Variants in SCN10A observed in about 807,000 individuals in gnomAD.
SCN10A encodes sodium channel protein type 10 subunit alpha.
Under a neutral mutation model 170.7 loss-of-function variants are expected in SCN10A, and 162 were observed. The ratio of observed to expected loss-of-function variants is 0.95; its 90% CI spans 0.84 to 1.08. The LOEUF is 1.08. SCN10A is among the 50% of genes least tolerant of loss of function. SCN10A has a pLI of 0.00. For synonymous variants in SCN10A, 985 were observed against 904.6 expected, an observed-to-expected ratio of 1.09 and a Z score of -1.59; for missense variants, 2,527 against 2,436.9, an observed-to-expected ratio of 1.04 and a Z score of -0.78.
chr3:38,802,785 C>T (rs1022260211), intron 1 of SCN10A, among the ~76,000 whole-genome samples: 2 of 152,042 alleles, frequency 1.3e-5, no homozygotes, highest in Admixed American at 6.6e-5. Flanking sequence ...CAACAAAAGC[C>T]AAAATTGACA....
chr3:38,725,134 G>T, intron 18 of SCN10A, 40 bp downstream of exon 18: 1 of 1,532,232 alleles, frequency 6.5e-7, no homozygotes, highest in Non-Finnish European at 8.9e-7. Flanking sequence ...CTCAGTGTCT[G>T]GCTGGCTGTC....
intron 3 of SCN10A, among the ~76,000 whole-genome samples, chr3:38,791,834 C>T (rs2064284691): frequency 6.6e-6 from 1 of 152,194 alleles, no homozygotes; most frequent in African/African-American, 2.4e-5. Context: ...ATCCAAACCA[C>T]CTGTGTGTTG....
At chr3:38,780,248 T>C (rs1041342655) in intron 4 of SCN10A, among the ~76,000 whole-genome samples, 1 of 152,056 alleles carries the variant, frequency 6.6e-6, no homozygotes, top group Non-Finnish European at 1.5e-5. Flanking sequence ...TCCTATTTCA[T>C]GCTTTTTGAC....
chr3:38,738,872 C>G (rs1179569267), intron 15 of SCN10A, among the ~76,000 whole-genome samples: 1 of 152,152 alleles, frequency 6.6e-6, no homozygotes, highest in East Asian at 1.9e-4. Context: ...TAGAGAAGAG[C>G]CATCATTGCA....
intron 11 of SCN10A, 70 bp from the exon 12 acceptor site, chr3:38,752,582 C>G (rs929447623): frequency 7.8e-7 from 1 of 1,289,650 alleles, no homozygotes; most frequent in African/African-American, 1.5e-5. Context: ...CCCAACACTT[C>G]CCTCTACCTA....
Position 38,707,263 on chromosome 3 carries a change from A to G in SCN10A, c.4386+16T>C. 2 of 1,612,888 alleles carry G rather than the reference A, an allele frequency of 1.2e-6. No individual in the cohort carries two copies. Among genetic ancestry groups the G allele is most frequent in the Non-Finnish European group, 1.7e-6 (2 of 1,179,470 alleles). On this transcript the variant is annotated intron_variant, in intron 26 of 27. Coordinates refer to ENST00000449082, the MANE Select transcript of SCN10A (RefSeq NM_006514.4). ...TTCACAGACAGGCTGTGCTAGAGGA[A>G]ACCTCTGGGGCTCACCAGGGGCCGT...
chr3:38,772,460 C>A (rs890774463), intron 4 of SCN10A, among the ~76,000 whole-genome samples: 2 of 152,046 alleles, frequency 1.3e-5, no homozygotes, highest in African/African-American at 2.4e-5. Context: ...GAGGCCGAGG[C>A]GGGCAGATTA....
chr3:38,806,621 A>C (rs2064406934), intron 1 of SCN10A, among the ~76,000 whole-genome samples: 2 of 152,288 alleles, frequency 1.3e-5, no homozygotes, highest in South Asian at 2.1e-4. Context: ...GGCCCTACTT[A>C]TCTGACACTG....
chr3:38,714,369 C>T (rs974743881), intron 21 of SCN10A, among the ~76,000 whole-genome samples: 3 of 152,218 alleles, frequency 2.0e-5, no homozygotes, highest in African/African-American at 7.2e-5. Flanking sequence ...TGTATTAAAT[C>T]AACTCTTCCT....
intron 2 of SCN10A, among the ~76,000 whole-genome samples, chr3:38,793,017 T>C (rs866575527): frequency 6.6e-6 from 1 of 152,046 alleles, no homozygotes; most frequent in Non-Finnish European, 1.5e-5. Flanking sequence ...TCTAGTTGTA[T>C]GTATATACAT....
intron 1 of SCN10A, among the ~76,000 whole-genome samples, chr3:38,815,648 C>A (rs1385575582): frequency 1.3e-5 from 2 of 152,218 alleles, no homozygotes; most frequent in Non-Finnish European, 2.9e-5. Context: ...TTCGTCAATA[C>A]TACCAGGACA....
chr3:38,749,841 G>C (rs1448336060), intron 13 of SCN10A, among the ~76,000 whole-genome samples: 1 of 152,210 alleles, frequency 6.6e-6, no homozygotes, highest in East Asian at 1.9e-4. Context: ...ATTTGAACAA[G>C]AGATGAGCTA....
chr3:38,760,078 C>G (rs1231247537), intron 8 of SCN10A, among the ~76,000 whole-genome samples: 1 of 152,232 alleles, frequency 6.6e-6, no homozygotes, highest in African/African-American at 2.4e-5. Context: ...TGTATCCACA[C>G]CCTTTCCAAT....
At chr3:38,770,860 C>T (rs2126040568) in intron 5 of SCN10A, among the ~76,000 whole-genome samples, 1 of 152,310 alleles carries the variant, frequency 6.6e-6, no homozygotes, top group East Asian at 1.9e-4. Context: ...TGGTCTCAAG[C>T]TGGAGACTGG....
At chr3:38,752,150 C>A in intron 12 of SCN10A, 69 bp downstream of exon 12, 3 of 1,380,672 alleles carry the variant, frequency 2.2e-6, no homozygotes, top group Non-Finnish European at 2.9e-6. Flanking sequence ...TGGTGATACT[C>A]AGGCTTCTTG....
intron 13 of SCN10A, among the ~76,000 whole-genome samples, chr3:38,746,695 C>T (rs1478914939): frequency 6.6e-6 from 1 of 152,146 alleles, no homozygotes; most frequent in Non-Finnish European, 1.5e-5. Context: ...TTCATTCCTT[C>T]AAATGTTATT....
intron 18 of SCN10A, among the ~76,000 whole-genome samples, chr3:38,724,189 A>G (rs775986905): frequency 6.6e-6 from 1 of 152,022 alleles, no homozygotes; most frequent in Non-Finnish European, 1.5e-5. Flanking sequence ...CAGCCCCCAA[A>G]TCCCGTCCCA....
chr3:38,698,511 G>A lies in SCN10A; in HGVS notation c.4709C>T (p.Thr1570Met), dbSNP rs772484960. The change falls in exon 28 of 28, where the codon ACG becomes ATG. Residue 1570 changes from threonine to methionine, a missense_variant. By Grantham distance (81) the Thr-to-Met change is moderately conservative. Coordinates refer to ENST00000449082, the MANE Select transcript of SCN10A (RefSeq NM_006514.4). Reference protein sequence around the residue: ...LKSLQSYFSPTLFRVIRLARI... With the variant: ...LKSLQSYFSPMLFRVIRLARI... ...GGCCAGGCGGATGACTCTGAAGAGC[G>A]TTGGGGAGAAGTAACTTTGAAGTGA... 166 of 1,614,010 alleles carry A rather than the reference G, an allele frequency of 1.0e-4. No homozygotes were observed. The highest frequency in any genetic ancestry group is 1.6e-4 in the Middle Eastern group (1 of 6,084).
intron 13 of SCN10A, among the ~76,000 whole-genome samples, chr3:38,747,966 C>T (rs1393828411): frequency 6.6e-6 from 1 of 152,080 alleles, no homozygotes; most frequent in African/African-American, 2.4e-5. Flanking sequence ...TCCATGAGCG[C>T]AAGCTTATAT....
Sources: gnomAD v4.1 joint callset for allele counts (sites outside exome capture counted in the v4.1 genomes callset) on GRCh38, gnomAD v4.1.1 for gene constraint, MANE v1.5 for transcripts, NCBI Gene and HGNC (gene_info 2026-07-23, HGNC 2026-07-21) for gene names.